IST1: variants seen among roughly 807,000 people sequenced by gnomAD.
The protein encoded by IST1 is IST1 factor associated with ESCRT-III.
IST1 carries 23 observed loss-of-function variants against 37.0 expected under a neutral mutation model. The observed-to-expected ratio is 0.62, with a 90% CI of 0.45 to 0.88. IST1 has a LOEUF of 0.88. Ranked by LOEUF, IST1 falls within the 40% of genes least tolerant of loss-of-function variation. The pLI, the probability that IST1 is intolerant of heterozygous loss-of-function variation, is 0.00. For synonymous variants in IST1, 180 were observed against 161.7 expected, an observed-to-expected ratio of 1.11 and a Z score of -0.86; for missense variants, 488 against 445.4, an observed-to-expected ratio of 1.10 and a Z score of -0.86.
chr16:71,910,290 G>C (rs1292582157), intron 1 of IST1, among the ~76,000 whole-genome samples: 1 of 151,984 alleles, frequency 6.6e-6, no homozygotes, highest in African/African-American at 2.4e-5. Context: ...TAGTCACTTA[G>C]CCCTCTTGGA....
At chr16:71,898,319 A>T (rs1441711308) in intron 1 of IST1, among the ~76,000 whole-genome samples, 1 of 137,236 alleles carries the variant, frequency 7.3e-6, no homozygotes, top group Non-Finnish European at 1.6e-5. Context: ...GGAGGTTGCA[A>T]TGTGCCAAGA....
chr16:71,925,867 G>C (rs1366679585), intron 9 of IST1, among the ~76,000 whole-genome samples: 1 of 152,146 alleles, frequency 6.6e-6, no homozygotes, highest in Non-Finnish European at 1.5e-5. Flanking sequence ...TCTTAGCCCA[G>C]GAGTTCAAGA....
At chr16:71,903,586 A>G (rs1408349330) in intron 1 of IST1, 1 of 152,154 alleles carries the variant, frequency 6.6e-6, no homozygotes, top group East Asian at 1.9e-4. Flanking sequence ...TAAAAATTTA[A>G]TAGAGACGAG....
chr16:71,927,370 T>A (rs538765650), intron 9 of IST1, among the ~76,000 whole-genome samples: 1 of 151,638 alleles, frequency 6.6e-6, no homozygotes, highest in African/African-American at 2.4e-5. Flanking sequence ...GCGCCTGTAA[T>A]CCCAGCTACT....
In IST1 at chr16:71,930,014, G is replaced by A. The variant is rs1440752133; in HGVS notation, c.*2201G>A. The A allele has an allele frequency of 1.3e-6, 2 of 1,531,408 alleles. No homozygotes were observed. The allele number at this position is 1,531,408 out of a possible 1,614,324, so 94.9% of individuals were successfully genotyped here. ...GCAGTTACAGTGGAGCTTTCCCAGT[G>A]ATATAACAGCATGCTAGTTTATCTT... On this transcript the variant is annotated 3_prime_UTR_variant, in exon 10 of 10. Coordinates refer to ENST00000378799, the MANE Select transcript of IST1 (RefSeq NM_001270975.2).
chr16:71,913,081 T>G (rs2037393619), intron 1 of IST1, among the ~76,000 whole-genome samples: 1 of 152,246 alleles, frequency 6.6e-6, no homozygotes, highest in Non-Finnish European at 1.5e-5. Context: ...CAAATAGCTC[T>G]TTAAAGTTCT....
rs1028300727 is a variant in IST1, at chr16:71,916,578, A to T, written c.205A>T (p.Met69Leu). 4.3e-6 allele frequency: 7 copies of T among 1,613,966 alleles called. No homozygotes were observed. The African/African-American group carries it at 8.0e-5, about 18-fold the overall frequency. ...IIREDYLVEAMEILELYCDLL... is the reference protein window; with the variant it reads ...IIREDYLVEALEILELYCDLL... ...CCGGGAAGACTACCTCGTGGAGGCCATGGAGATCCTGGAGCTGTACTGTGA... is the reference window on the plus strand; with the variant it reads ...CCGGGAAGACTACCTCGTGGAGGCCTTGGAGATCCTGGAGCTGTACTGTGA... Residue 69 changes from methionine (M) to leucine (L), a missense_variant, in exon 3 of 10, where the codon ATG (methionine) becomes TTG (leucine). Met to Leu is a conservative substitution (Grantham distance 15). This residue lies in a region of IST1 where 455 missense variants were observed against 386.2 expected (regional missense o/e 1.18). Transcript: ENST00000378799.
chr16:71,907,366 C>T (rs1567463439), intron 1 of IST1, among the ~76,000 whole-genome samples: 1 of 151,652 alleles, frequency 6.6e-6, no homozygotes, highest in Non-Finnish European at 1.5e-5. Context: ...CAAGCTTCGC[C>T]TCCTGGGTTC....
intron 9 of IST1, among the ~76,000 whole-genome samples, chr16:71,925,190 T>G (rs535165571): frequency 2.1e-4 from 32 of 152,004 alleles, no homozygotes; most frequent in Non-Finnish European, 3.7e-4. Context: ...TTTTTTTGTA[T>G]TTTTAGTAGA....
Position 71,912,896 on chromosome 16 carries a change from A to G in IST1, c.-15-2730A>G, listed in dbSNP as rs566593437. On this transcript the variant is annotated intron_variant, in intron 1 of 9. Transcript: ENST00000378799. The stretch of plus-strand genomic sequence containing the variant: ...ATTTCACTTACCATGATGTCCTCAA[A>G]TTTCATCCATGTTGTAGCATGTGAT... 5.9e-5 allele frequency among the ~76,000 whole-genome samples: 9 copies of G among 152,238 alleles called. No homozygotes were observed. In the East Asian group the frequency reaches 1.5e-3, roughly 26 times the overall value.
chr16:71,915,548 A>G (rs1470715180), intron 1 of IST1, 78 bp from the exon 2 acceptor site: 3 of 866,950 alleles, frequency 3.5e-6, no homozygotes, highest in South Asian at 1.7e-5. Flanking sequence ...TTTGTTTCAC[A>G]TAATTCACCC....
At chr16:71,919,593 C>T (rs138733124) in intron 4 of IST1, among the ~76,000 whole-genome samples, 302 of 152,254 alleles carry the variant, frequency 2.0e-3, no homozygotes, top group Middle Eastern at 6.8e-3. Context: ...GGTTTTGCTG[C>T]GTTGCCCAGG....
chr16:71,929,511 T>C lies in IST1; in HGVS notation c.*1698T>C. On this transcript the variant is annotated 3_prime_UTR_variant, in exon 10 of 10. Coordinates refer to ENST00000378799, the MANE Select transcript of IST1 (RefSeq NM_001270975.2). ...AGATAAGTAGTAATACGCTAATAAA[T>C]ACTAAGCCAAGTAGGAGATAACAGG... The C allele has an allele frequency of 6.5e-7, 1 of 1,536,816 alleles. No individual in the cohort carries two copies. The highest frequency in any genetic ancestry group is 8.8e-7 in the Non-Finnish European group (1 of 1,141,718).
intron 1 of IST1, among the ~76,000 whole-genome samples, chr16:71,908,459 C>A (rs775377822): frequency 6.6e-6 from 1 of 151,642 alleles, no homozygotes; most frequent in African/African-American, 2.4e-5. Context: ...GCCACCACGC[C>A]CGGATAATTT....
Position 71,930,399 on chromosome 16 carries a change from C to T in IST1, c.*2586C>T, listed in dbSNP as rs75182609. ...AAGGAGGTTAAGATAATTGTGACTGCAGGGCTTTCACAAGAAAACAGGTGA... is the reference window on the plus strand; with the variant it reads ...AAGGAGGTTAAGATAATTGTGACTGTAGGGCTTTCACAAGAAAACAGGTGA... On this transcript the variant is annotated 3_prime_UTR_variant, in exon 10 of 10. Coordinates refer to ENST00000378799, the MANE Select transcript of IST1 (RefSeq NM_001270975.2). 47,973 of 381,576 alleles carry T rather than the reference C, an allele frequency of 0.13. 3,562 individuals are homozygous for T. The highest frequency in any genetic ancestry group is 0.15 in the Non-Finnish European group (32,813 of 218,304). The allele number at this position is 381,576 out of a possible 1,614,324, so 23.6% of individuals were successfully genotyped here. A position where few individuals can be genotyped will look rare whatever the true frequency, so the allele number is the denominator to read the frequency against.
At chr16:71,905,421 C>T (rs189660875) in intron 1 of IST1, among the ~76,000 whole-genome samples, 4 of 151,946 alleles carry the variant, frequency 2.6e-5, no homozygotes, top group Admixed American at 2.0e-4. Context: ...TCTCGTTGCC[C>T]AGGCTGGAGT....
rs201167023 is a variant in IST1 at position 71,930,099 on chromosome 16, C to A, written c.*2286C>A. The stretch of plus-strand genomic sequence containing the variant: ...CCAAAGGCCATGAGAATGGCCGAAA[C>A]GAAAAGATTAATTACCACAAGTACC... On this transcript the variant is annotated 3_prime_UTR_variant, in exon 10 of 10. Transcript: ENST00000378799. 6.4e-7 allele frequency: 1 copy of A among 1,551,304 alleles called. No homozygotes were observed. Among genetic ancestry groups the A allele is most frequent in the Non-Finnish European group, 8.7e-7 (1 of 1,146,850 alleles).
chr16:71,905,816 A>G (rs1051630965), intron 1 of IST1, among the ~76,000 whole-genome samples: 6 of 152,034 alleles, frequency 3.9e-5, no homozygotes, highest in African/African-American at 9.7e-5. Flanking sequence ...TATGTATTAC[A>G]TTTACATACA....
chr16:71,923,524 TAAC>T, intron 8 of IST1, 144 bp downstream of exon 8: 1 of 518,242 alleles, frequency 1.9e-6, no homozygotes, highest in Non-Finnish European at 3.5e-6. Context: ...TGTTGCTTTA[TAAC>T]ACTACCCTGG....
Sources: allele counts gnomAD v4.1 joint callset (sites outside exome capture counted in the v4.1 genomes callset), GRCh38; gene constraint gnomAD v4.1.1; regional missense constraint gnomAD v4.1.1; transcripts MANE v1.5; gene names NCBI Gene and HGNC (gene_info 2026-07-23, HGNC 2026-07-21).